The following EXD2 variants were observed in gnomAD, a reference collection of about 807,000 sequenced individuals.
EXD2 encodes exonuclease 3'-5' domain containing 2.
Under a neutral mutation model 62.5 loss-of-function variants are expected in EXD2, and 40 were observed. The ratio of observed to expected loss-of-function variants is 0.64; its 90% CI spans 0.50 to 0.83. The LOEUF is 0.83. EXD2 is among the 40% of genes least tolerant of loss of function. The pLI is 0.00. For missense variants in EXD2, 671 were observed against 761.8 expected (o/e 0.88, Z 1.40); for synonymous variants, 239 against 291.9 (o/e 0.82, Z 1.85).
At chr14:69,212,323 G>A (rs1473735004) in intron 3 of EXD2, among the ~76,000 whole-genome samples, 2 of 152,084 alleles carry the variant, frequency 1.3e-5, no homozygotes, top group Non-Finnish European at 2.9e-5. Flanking sequence ...GTTGCAGTGA[G>A]CCGAGATCAC....
At chr14:69,216,304 CTGT>C (rs2042986855) in intron 3 of EXD2, among the ~76,000 whole-genome samples, 2 of 152,184 alleles carry the variant, frequency 1.3e-5, no homozygotes, top group Non-Finnish European at 2.9e-5. Context: ...GTCTAATTTT[CTGT>C]TGTTGCACCA....
intron 3 of EXD2, among the ~76,000 whole-genome samples, chr14:69,227,666 A>G (rs923233808): frequency 6.6e-5 from 10 of 152,046 alleles, no homozygotes; most frequent in African/African-American, 1.9e-4. Context: ...TGACATGGTG[A>G]AACTTCATCT....
intron 4 of EXD2, 72 bp downstream of exon 4, chr14:69,229,144 G>T: frequency 6.4e-7 from 1 of 1,573,794 alleles, no homozygotes; most frequent in Admixed American, 1.7e-5. Context: ...GTAGATGCCT[G>T]GGACTCAATA....
At chr14:69,192,952 C>T (rs1351353390) in intron 1 of EXD2, among the ~76,000 whole-genome samples, 1 of 152,112 alleles carries the variant, frequency 6.6e-6, no homozygotes, top group South Asian at 2.1e-4. Context: ...GAGAGCATTT[C>T]TCAAGGATGG....
Position 69,209,456 on chromosome 14 carries a change from G to T in EXD2, c.-15G>T. ...GATTAGTGATATGCTTTTCTAAAGA[G>T]TAGAAAAGTCGAAGATGTCTAGACA... On this transcript the variant is annotated 5_prime_UTR_variant, in exon 3 of 10. Coordinates refer to ENST00000685843, the MANE Select transcript of EXD2 (RefSeq NM_001193360.2). The T allele has an allele frequency of 6.7e-7, 1 of 1,484,548 alleles. No homozygotes were observed. Among genetic ancestry groups the T allele is most frequent in the Non-Finnish European group, 9.0e-7 (1 of 1,115,358 alleles). The allele number at this position is 1,484,548 out of a possible 1,614,324, so 92.0% of individuals were successfully genotyped here.
chr14:69,197,767 A>C (rs2042255575), intron 1 of EXD2, among the ~76,000 whole-genome samples: 1 of 116,606 alleles, frequency 8.6e-6, no homozygotes, highest in Non-Finnish European at 1.7e-5. Context: ...TCATCTGCAC[A>C]CAGTCAATTC....
In EXD2 at chr14:69,228,940, T is replaced by C; in HGVS notation, c.458T>C (p.Leu153Ser). 1 of 1,614,192 alleles carries C rather than the reference T, an allele frequency of 6.2e-7. No individual in the cohort carries two copies. Among genetic ancestry groups the C allele is most frequent in the Non-Finnish European group, 8.5e-7 (1 of 1,180,042 alleles). The change falls in exon 4 of 10, where the codon TTG becomes TCG. Residue 153 changes from leucine to serine, a missense_variant. Transcript: ENST00000685843. ...CGGKTLPRTLLDILADGTILK... is the reference protein window; with the variant it reads ...CGGKTLPRTLSDILADGTILK... ...GGAAAAACACTACCAAGAACGTTAT[T>C]GGATATTTTGGCAGATGGCACCATT... is the stretch of plus-strand genomic sequence containing the variant.
In EXD2 at chr14:69,237,960, C is replaced by G. The variant is rs2043856473; in HGVS notation, c.1649+29C>G. 5.9e-6 allele frequency: 9 copies of G among 1,515,360 alleles called. No individual in the cohort carries two copies. The South Asian group carries it at 1.2e-4, about 20-fold the overall frequency. 93.9% of individuals were successfully genotyped at this position (1,515,360 alleles called of 1,614,324 possible). On this transcript the variant is annotated intron_variant, in intron 9 of 9. Transcript: ENST00000685843. ...CAAAGCACAGGAATTGTGGAATGTA[C>G]CAGGGACATTAACCCTCATTACTTA... is the stretch of plus-strand genomic sequence containing the variant.
At chr14:69,223,504 T>A (rs1365115258) in intron 3 of EXD2, among the ~76,000 whole-genome samples, 1 of 152,130 alleles carries the variant, frequency 6.6e-6, no homozygotes, top group Non-Finnish European at 1.5e-5. Context: ...GCAAAATATA[T>A]GCAAATCCAA....
intron 1 of EXD2, chr14:69,192,238 T>C (rs2042054703): frequency 1.3e-5 from 2 of 152,156 alleles, no homozygotes; most frequent in African/African-American, 4.8e-5. Context: ...TTGATATGAT[T>C]CCAACATTCA....
chr14:69,220,166 G>T (rs765274092), intron 3 of EXD2, among the ~76,000 whole-genome samples: 6 of 147,424 alleles, frequency 4.1e-5, no homozygotes, highest in Middle Eastern at 4.0e-3. Context: ...CCCTCCTCCT[G>T]TCTGGCGCCT....
At chr14:69,236,293 A>C in intron 7 of EXD2, 114 bp from the exon 8 acceptor site, 1 of 1,577,932 alleles carries the variant, frequency 6.3e-7, no homozygotes, top group Non-Finnish European at 8.7e-7. Context: ...GGCACAACCC[A>C]GAAATCATGT....
intron 3 of EXD2, among the ~76,000 whole-genome samples, chr14:69,220,865 TTC>T (rs1281036400): frequency 1.3e-5 from 2 of 151,936 alleles, no homozygotes; most frequent in African/African-American, 4.8e-5. Context: ...GTGAAACTCT[TTC>T]TAAGTCAATC....
chr14:69,241,153 G>A lies in EXD2; in HGVS notation c.*53G>A. ...GTGGGAAGCTGGAGCCAAGGTTGAA[G>A]AGTCACCTCTTCCCATTTTAGTACA... is the stretch of plus-strand genomic sequence containing the variant. On this transcript the variant is annotated 3_prime_UTR_variant, in exon 10 of 10. Transcript: ENST00000685843. 6.7e-7 allele frequency: 1 copy of A among 1,485,682 alleles called. No homozygotes were observed. Among genetic ancestry groups the A allele is most frequent in the Non-Finnish European group, 9.3e-7 (1 of 1,079,262 alleles). The allele number at this position is 1,485,682 out of a possible 1,614,324, so 92.0% of individuals were successfully genotyped here.
intron 8 of EXD2, among the ~76,000 whole-genome samples, 184 bp from the exon 9 acceptor site, chr14:69,237,391 G>A (rs867155378): frequency 2.0e-5 from 3 of 152,190 alleles, no homozygotes; most frequent in Non-Finnish European, 2.9e-5. Flanking sequence ...AGGAAGCTAA[G>A]ACACAGATGG....
chr14:69,238,663 A>G (rs2043884569), intron 9 of EXD2, among the ~76,000 whole-genome samples: 1 of 145,508 alleles, frequency 6.9e-6, no homozygotes. Flanking sequence ...GAGATAGTAT[A>G]TGGCTCTGTC....
At position 69,237,742 on chromosome 14, in the gene EXD2, C is replaced by G; in HGVS notation, c.1460C>G (p.Ser487Cys). Reference sequence around the variant, plus strand: ...AAGGAGTTCCAGGCCCCCATCGGCTCTGAGGAGGGCTTGCGCCTGCTGGAA... The same window carrying G: ...AAGGAGTTCCAGGCCCCCATCGGCTGTGAGGAGGGCTTGCGCCTGCTGGAA... ...LAKEFQAPIG[S>C]EEGLRLLEDP... Residue 487 changes from serine (S) to cysteine (C), a missense_variant, in exon 9 of 10, where the codon TCT (serine) becomes TGT (cysteine). Coordinates refer to ENST00000685843, the MANE Select transcript of EXD2 (RefSeq NM_001193360.2). The G allele has an allele frequency of 6.2e-7, 1 of 1,614,078 alleles. No homozygotes were observed. Among genetic ancestry groups the G allele is most frequent in the Non-Finnish European group, 8.5e-7 (1 of 1,179,966 alleles).
In EXD2 at chr14:69,230,511, C is replaced by T. The variant is rs745790233; in HGVS notation, c.630C>T (p.Leu210=). 8 of 1,613,742 alleles carry T rather than the reference C, an allele frequency of 5.0e-6. No homozygotes were observed. The highest frequency in any genetic ancestry group is 5.9e-6 in the Non-Finnish European group (7 of 1,179,878). The change falls in exon 5 of 10, where the codon CTC becomes CTT. Residue 210 remains leucine, a synonymous_variant. Transcript: ENST00000685843. The stretch of plus-strand genomic sequence containing the variant: ...GTAATGGGCTTAGCCTGAAGTCCCT[C>T]GCTGAGACTGTTTTGAACTTTCCCC... ...LLCNGLSLKS[L]AETVLNFPLD...
At chr14:69,198,816 C>T (rs1357608624) in intron 1 of EXD2, among the ~76,000 whole-genome samples, 1 of 152,198 alleles carries the variant, frequency 6.6e-6, no homozygotes, top group Non-Finnish European at 1.5e-5. Context: ...TATGGTATAG[C>T]TTATTACTCC....
Sources: gnomAD v4.1 joint callset for allele counts (sites outside exome capture counted in the v4.1 genomes callset) on GRCh38, gnomAD v4.1.1 for gene constraint, MANE v1.5 for transcripts, NCBI Gene and HGNC (gene_info 2026-07-23, HGNC 2026-07-21) for gene names.